ELOVL7: variants seen among roughly 807,000 people sequenced by gnomAD.
ELOVL7 encodes ELOVL fatty acid elongase 7.
ELOVL7 carries 27 observed loss-of-function variants against 35.7 expected under a neutral mutation model. The observed-to-expected ratio is 0.76, with a 90% CI of 0.56 to 1.04. The LOEUF is 1.04. Among genes scored for constraint, ELOVL7 ranks in the 50% least tolerant of loss-of-function variants. ELOVL7 has a pLI of 0.00. For missense variants in ELOVL7, 327 were observed against 340.8 expected (o/e 0.96, Z 0.32); for synonymous variants, 113 against 114.6 (o/e 0.99, Z 0.09).
At chr5:60,755,377 G>A (rs1741477564) in intron 8 of ELOVL7, among the ~76,000 whole-genome samples, 1 of 152,120 alleles carries the variant, frequency 6.6e-6, no homozygotes, top group Non-Finnish European at 1.5e-5. Flanking sequence ...AATGTGTCTA[G>A]GCCAGACACG....
chr5:60,770,038 G>A (rs1189208119), intron 4 of ELOVL7, among the ~76,000 whole-genome samples: 2 of 144,298 alleles, frequency 1.4e-5, no homozygotes, highest in Admixed American at 7.0e-5. Context: ...GTGACAGAGC[G>A]AGACCCTTTC....
At chr5:60,798,001 CT>C (rs1367020504) in intron 2 of ELOVL7, among the ~76,000 whole-genome samples, 1 of 152,220 alleles carries the variant, frequency 6.6e-6, no homozygotes, top group African/African-American at 2.4e-5. Flanking sequence ...TGGAAGCCCC[CT>C]CCCTGCTTCG....
At chr5:60,807,840 A>C (rs1474193651) in intron 1 of ELOVL7, among the ~76,000 whole-genome samples, 1 of 148,284 alleles carries the variant, frequency 6.7e-6, no homozygotes, top group Non-Finnish European at 1.5e-5. Flanking sequence ...TCTACTAAAA[A>C]TACAAAAAGT....
chr5:60,755,151 A>G (rs1452548192), intron 8 of ELOVL7, among the ~76,000 whole-genome samples: 2 of 152,200 alleles, frequency 1.3e-5, no homozygotes, highest in Non-Finnish European at 2.9e-5. Context: ...ACAGTCTCTG[A>G]CTTGAGTCCT....
intron 1 of ELOVL7, among the ~76,000 whole-genome samples, chr5:60,834,962 G>A (rs1195932316): frequency 1.3e-5 from 2 of 151,728 alleles, no homozygotes; most frequent in African/African-American, 2.4e-5. Flanking sequence ...AGGCCAAGGC[G>A]GGCAGATCAC....
intron 3 of ELOVL7, among the ~76,000 whole-genome samples, chr5:60,784,471 C>T (rs927819165): frequency 3.9e-5 from 6 of 152,208 alleles, no homozygotes; most frequent in Admixed American, 3.9e-4. Context: ...AATAAATCCT[C>T]TTATAGCTAA....
At chr5:60,811,627 G>T (rs995265053) in intron 1 of ELOVL7, among the ~76,000 whole-genome samples, 4 of 152,158 alleles carry the variant, frequency 2.6e-5, no homozygotes, top group African/African-American at 9.7e-5. Flanking sequence ...TATTGAGGGA[G>T]TGAGTTATTT....
At chr5:60,811,008 C>T (rs1745210407) in intron 1 of ELOVL7, among the ~76,000 whole-genome samples, 1 of 152,170 alleles carries the variant, frequency 6.6e-6, no homozygotes, top group African/African-American at 2.4e-5. Flanking sequence ...AAATAATTCA[C>T]ATGACCAGGT....
chr5:60,756,987 G>C (rs1028157369), intron 8 of ELOVL7, among the ~76,000 whole-genome samples: 1 of 152,010 alleles, frequency 6.6e-6, no homozygotes, highest in African/African-American at 2.4e-5. Flanking sequence ...TTCAAACATT[G>C]CTTATATAAG....
At chr5:60,814,782 G>A (rs188813016) in intron 1 of ELOVL7, among the ~76,000 whole-genome samples, 1 of 152,292 alleles carries the variant, frequency 6.6e-6, no homozygotes, top group East Asian at 1.9e-4. Context: ...AGTGTGAAGG[G>A]CAGTAAGAAG....
chr5:60,799,836 G>C (rs533945746), intron 1 of ELOVL7, among the ~76,000 whole-genome samples: 1 of 152,120 alleles, frequency 6.6e-6, no homozygotes, highest in Non-Finnish European at 1.5e-5. Context: ...TCAGGAGTTC[G>C]AGACTAGCCT....
At chr5:60,768,284 A>T (rs1742366084) in intron 4 of ELOVL7, among the ~76,000 whole-genome samples, 1 of 152,172 alleles carries the variant, frequency 6.6e-6, no homozygotes, top group South Asian at 2.1e-4. Context: ...CTTAAAGGGA[A>T]CACTTGGATC....
At chr5:60,829,958 C>G (rs1746385556) in intron 1 of ELOVL7, among the ~76,000 whole-genome samples, 1 of 152,246 alleles carries the variant, frequency 6.6e-6, no homozygotes, top group African/African-American at 2.4e-5. Flanking sequence ...GAAACATTTA[C>G]TGTAATTTTG....
chr5:60,783,273 T>C (rs1326033803), intron 3 of ELOVL7, among the ~76,000 whole-genome samples: 3 of 152,212 alleles, frequency 2.0e-5, no homozygotes, highest in African/African-American at 7.2e-5. Context: ...ATTCATTTTC[T>C]AAAAATCAAG....
At chr5:60,784,139 T>A (rs1167184949) in intron 3 of ELOVL7, 2 of 1,519,588 alleles carry the variant, frequency 1.3e-6, no homozygotes, top group Admixed American at 3.9e-5. Flanking sequence ...TAAGAGAGTA[T>A]TCTCTTCTTA....
chr5:60,762,166 G>C (rs7713586), intron 7 of ELOVL7, among the ~76,000 whole-genome samples: 9,425 of 151,826 alleles, frequency 0.062, 562 homozygotes, highest in East Asian at 0.2. Flanking sequence ...CCGTTATAAA[G>C]TGACTGATGT....
intron 1 of ELOVL7, among the ~76,000 whole-genome samples, chr5:60,804,355 A>G (rs1162670597): frequency 6.6e-6 from 1 of 152,222 alleles, no homozygotes. Flanking sequence ...AACTTAGAAA[A>G]GAGTCAGAGA....
intron 1 of ELOVL7, among the ~76,000 whole-genome samples, chr5:60,818,812 C>G (rs1171978398): frequency 6.6e-6 from 1 of 150,726 alleles, no homozygotes; most frequent in African/African-American, 2.4e-5. Context: ...TCGAGACCAG[C>G]CTGGCCAACA....
chr5:60,754,580 AG>A lies in ELOVL7; in HGVS notation c.*43del. 6.6e-7 allele frequency: 1 copy of A among 1,525,004 alleles called. No homozygotes were observed. Among genetic ancestry groups the A allele is most frequent in the South Asian group, 1.1e-5 (1 of 88,788 alleles). 94.5% of individuals were successfully genotyped at this position (1,525,004 alleles called of 1,614,324 possible). On this transcript the variant is annotated 3_prime_UTR_variant, in exon 9 of 9. Transcript: ENST00000508821. ...ATAGGTAAATATCTCTTGATTGTCAAGGAAGACAATGTATCAGTTTCGATCA... is the reference window on the plus strand; with the variant it reads ...ATAGGTAAATATCTCTTGATTGTCAAGAAGACAATGTATCAGTTTCGATCA...
Sources: gnomAD v4.1 joint callset for allele counts (sites outside exome capture counted in the v4.1 genomes callset) on GRCh38, gnomAD v4.1.1 for gene constraint, MANE v1.5 for transcripts, NCBI Gene and HGNC (gene_info 2026-07-23, HGNC 2026-07-21) for gene names.